The following FGD5 variants were observed in gnomAD, a reference collection of about 807,000 sequenced individuals.
FGD5 encodes the protein FYVE, RhoGEF and PH domain containing 5.
A neutral mutation model predicts 133.4 loss-of-function variants in FGD5; 28 were observed. That is an observed-to-expected ratio of 0.21 (90% CI 0.16 to 0.29). The LOEUF (loss-of-function observed/expected upper bound fraction) is 0.29. FGD5 is among the 10% of genes least tolerant of loss of function. The pLI is 1.00. For synonymous variants in FGD5, 810 were observed against 776.5 expected, an observed-to-expected ratio of 1.04 and a Z score of -0.72; for missense variants, 1,858 against 1,895.2, an observed-to-expected ratio of 0.98 and a Z score of 0.36.
At chr3:14,907,764 T>TA in intron 10 of FGD5, 53 bp downstream of exon 10, 2 of 1,558,730 alleles carry the variant, frequency 1.3e-6, no homozygotes, top group Admixed American at 1.7e-5. Flanking sequence ...GAGGCTCCGA[T>TA]AAGCCCCATT....
chr3:14,863,920 G>C (rs1215394302), intron 1 of FGD5, among the ~76,000 whole-genome samples: 1 of 152,188 alleles, frequency 6.6e-6, no homozygotes, highest in African/African-American at 2.4e-5. Context: ...CTGTCTTAAC[G>C]TGTGCCAAGG....
At chr3:14,885,871 G>A (rs146178895) in intron 4 of FGD5, among the ~76,000 whole-genome samples, 16 of 152,214 alleles carry the variant, frequency 1.1e-4, no homozygotes, top group Admixed American at 2.0e-4. Context: ...AGCTCACATT[G>A]TATAAAGACC....
rs140656578 is a variant in FGD5, at chr3:14,875,947, G to A, written c.2659-4625G>A. 3.4e-4 allele frequency among the ~76,000 whole-genome samples: 52 copies of A among 152,298 alleles called. No homozygotes were observed. In the East Asian group the frequency reaches 9.6e-3, roughly 28 times the overall value. ...AGCCAGACACAGAGGCTTTGGGGGC[G>A]AGGAGCTTGGCAAAGGACTGGCAGA... is the stretch of plus-strand genomic sequence containing the variant. On this transcript the variant is annotated intron_variant, in intron 2 of 19. Coordinates refer to ENST00000285046, the MANE Select transcript of FGD5 (RefSeq NM_152536.4).
In FGD5 at chr3:14,934,369, A is replaced by G. The variant is rs1350724273; in HGVS notation, c.*1202A>G. On this transcript the variant is annotated 3_prime_UTR_variant, in exon 20 of 20. Transcript: ENST00000285046. ...GGGATTCCTTGTTACTCTTACTGCA[A>G]TAAAAATCAATTGTTTGATATCCTG... 6.6e-6 allele frequency: 1 copy of G among 152,218 alleles called. No homozygotes were observed. The highest frequency in any genetic ancestry group is 1.5e-5 in the Non-Finnish European group (1 of 68,038). 9.4% of individuals were successfully genotyped at this position (152,218 alleles called of 1,614,324 possible). A position where few individuals can be genotyped will look rare whatever the true frequency, so the allele number is the denominator to read the frequency against.
At chr3:14,865,622 T>C (rs1267257557) in intron 2 of FGD5, among the ~76,000 whole-genome samples, 3 of 152,164 alleles carry the variant, frequency 2.0e-5, no homozygotes, top group East Asian at 1.9e-4. Context: ...GTCCTGAGGT[T>C]GTCCATGTTT....
chr3:14,931,368 T>C (rs1182234096), intron 18 of FGD5: 1 of 152,066 alleles, frequency 6.6e-6, no homozygotes, highest in Non-Finnish European at 1.5e-5. Context: ...TTTTCTGGGG[T>C]TTTAGGGATG....
chr3:14,907,216 T>C (rs2038357048), intron 9 of FGD5, among the ~76,000 whole-genome samples: 2 of 152,238 alleles, frequency 1.3e-5, no homozygotes, highest in Non-Finnish European at 2.9e-5. Context: ...GGCACACTTA[T>C]TTTTCTAACC....
At chr3:14,914,820 G>A (rs2038520639) in intron 11 of FGD5, among the ~76,000 whole-genome samples, 1 of 152,234 alleles carries the variant, frequency 6.6e-6, no homozygotes, top group East Asian at 1.9e-4. Flanking sequence ...CATGGTGCCT[G>A]TGCGTTAGGA....
At chr3:14,810,986 T>G in intron 1 of FGD5, 1 of 841,002 alleles carries the variant, frequency 1.2e-6, no homozygotes, top group Non-Finnish European at 1.4e-6. Context: ...GACCTTCCAG[T>G]GCCGCTCGGC....
chr3:14,814,392 T>G (rs2036338789), upstream of FGD5, among the ~76,000 whole-genome samples: 4 of 152,202 alleles, frequency 2.6e-5, no homozygotes, highest in Non-Finnish European at 1.5e-5. Context: ...CTCAGTGCTC[T>G]CTCTTTTCTG....
At chr3:14,882,606 G>T (rs1245735224) in intron 4 of FGD5, among the ~76,000 whole-genome samples, 1 of 151,634 alleles carries the variant, frequency 6.6e-6, no homozygotes, top group Non-Finnish European at 1.5e-5. Context: ...GCTAAGAGAG[G>T]AGAATCACTT....
intron 18 of FGD5, chr3:14,931,607 A>G (rs1174723002): frequency 6.6e-6 from 1 of 152,204 alleles, no homozygotes; most frequent in African/African-American, 2.4e-5. Context: ...ATGAACATGT[A>G]TGTTTTTACA....
chr3:14,832,629 CTT>C (rs1480783049), intron 1 of FGD5, among the ~76,000 whole-genome samples: 1 of 152,164 alleles, frequency 6.6e-6, no homozygotes, highest in Non-Finnish European at 1.5e-5. Flanking sequence ...GGCGGCATGA[CTT>C]TTAAGCCAGT....
intron 2 of FGD5, among the ~76,000 whole-genome samples, chr3:14,869,322 A>G (rs1358217740): frequency 1.3e-5 from 2 of 151,962 alleles, no homozygotes; most frequent in Non-Finnish European, 2.9e-5. Flanking sequence ...CAAACAAACA[A>G]ACAAACAAAC....
Position 14,933,288 on chromosome 3 carries a change from T to C in FGD5, c.*121T>C. 8.9e-7 allele frequency: 1 copy of C among 1,127,570 alleles called. No homozygotes were observed. Among genetic ancestry groups the C allele is most frequent in the Non-Finnish European group, 1.3e-6 (1 of 763,948 alleles). The allele number at this position is 1,127,570 out of a possible 1,614,324, so 69.8% of individuals were successfully genotyped here. On this transcript the variant is annotated 3_prime_UTR_variant, in exon 20 of 20. Transcript: ENST00000285046. ...CTGGATTCAGCAATGAGGCCTGACC[T>C]TTTTTGCTATAACCGCCCCACCACT...
rs562365240 is a variant in FGD5 at position 14,901,999 on chromosome 3, G to A, written c.3264+938G>A. Among the ~76,000 whole-genome samples the A allele has an allele frequency of 2.6e-5, 4 of 152,220 alleles. No homozygotes were observed. In the East Asian group the frequency reaches 7.7e-4, roughly 29 times the overall value. ...CCGAGGTTGCCAGAAGAGATGATAC[G>A]GGCCAGGTGTGGTGGCTCACGCCTG... is the stretch of plus-strand genomic sequence containing the variant. On this transcript the variant is annotated intron_variant, in intron 9 of 19. Coordinates refer to ENST00000285046, the MANE Select transcript of FGD5 (RefSeq NM_152536.4).
upstream of FGD5, among the ~76,000 whole-genome samples, chr3:14,817,429 C>T (rs1457729222): frequency 6.6e-6 from 1 of 152,182 alleles, no homozygotes; most frequent in Admixed American, 6.5e-5. Context: ...CTCCTGACCT[C>T]AAGTGATCTG....
intron 1 of FGD5, among the ~76,000 whole-genome samples, chr3:14,827,216 C>G (rs1325137500): frequency 2.0e-5 from 3 of 151,384 alleles, no homozygotes; most frequent in Middle Eastern, 3.2e-3. Flanking sequence ...GTCTGACTTT[C>G]AATCCAATGC....
chr3:14,898,140 G>A lies in FGD5; in HGVS notation c.3066+45G>A, dbSNP rs747060789. ...GAGACCCTGCTGTAAGGATGCAGGG[G>A]TTGAGGTGGGCGAAGGGCTTAATGC... On this transcript the variant is annotated intron_variant, in intron 6 of 19. Coordinates refer to ENST00000285046, the MANE Select transcript of FGD5 (RefSeq NM_152536.4). 5.0e-6 allele frequency: 8 copies of A among 1,609,758 alleles called. No individual in the cohort carries two copies. In the African/African-American group the frequency reaches 1.1e-4, roughly 22 times the overall value.
Sources: gnomAD v4.1 joint callset for allele counts (sites outside exome capture counted in the v4.1 genomes callset) on GRCh38, gnomAD v4.1.1 for gene constraint, MANE v1.5 for transcripts, NCBI Gene and HGNC (gene_info 2026-07-23, HGNC 2026-07-21) for gene names.